CAST: variants seen among roughly 807,000 people sequenced by gnomAD.
CAST encodes the protein calpastatin.
A neutral mutation model predicts 119.6 loss-of-function variants in CAST; 76 were observed. That is an observed-to-expected ratio of 0.64 (90% CI 0.53 to 0.77). CAST has a LOEUF of 0.77. Ranked by LOEUF, CAST falls within the 30% of genes least tolerant of loss-of-function variation. The pLI, the probability that CAST is intolerant of heterozygous loss-of-function variation, is 0.00. For missense variants in CAST, 953 were observed against 946.5 expected (o/e 1.01, Z -0.09); for synonymous variants, 319 against 331.6 (o/e 0.96, Z 0.41).
intron 3 of CAST, among the ~76,000 whole-genome samples, chr5:96,699,091 T>C (rs552291563): frequency 2.0e-5 from 3 of 152,340 alleles, no homozygotes; most frequent in South Asian, 4.1e-4. Flanking sequence ...GTGTAAAATA[T>C]TTAGTTCTTA....
chr5:96,434,785 A>T, the CAST span, among the ~76,000 whole-genome samples: 2 of 152,206 alleles, frequency 1.3e-5, no homozygotes, highest in Admixed American at 6.5e-5. Context: ...TTGGTGGAGG[A>T]TCAGGCTCTG....
the CAST span, among the ~76,000 whole-genome samples, chr5:96,115,930 T>A: frequency 6.6e-6 from 1 of 152,038 alleles, no homozygotes; most frequent in Non-Finnish European, 1.5e-5. Flanking sequence ...TTTCTTTTTT[T>A]TTTTTTTTAG....
chr5:96,373,982 G>C, the CAST span, among the ~76,000 whole-genome samples: 2 of 152,128 alleles, frequency 1.3e-5, no homozygotes, highest in African/African-American at 4.8e-5. Context: ...GCTGAAAGAC[G>C]TGATGTTTTG....
intron 1 of CAST, among the ~76,000 whole-genome samples, chr5:96,672,109 G>T (rs58031207): frequency 6.6e-6 from 1 of 152,124 alleles, no homozygotes; most frequent in Non-Finnish European, 1.5e-5. Context: ...TTGGGAAAAT[G>T]TTCTCAAATT....
the CAST span, among the ~76,000 whole-genome samples, chr5:96,021,585 A>G: frequency 6.6e-6 from 1 of 152,010 alleles, no homozygotes; most frequent in Non-Finnish European, 1.5e-5. Flanking sequence ...AGCTGGGACT[A>G]CAGGCGCCCG....
chr5:96,756,446 C>G (rs1370661401), intron 22 of CAST, among the ~76,000 whole-genome samples: 1 of 152,196 alleles, frequency 6.6e-6, no homozygotes, highest in Non-Finnish European at 1.5e-5. Flanking sequence ...ATCTGACATG[C>G]CTGGGGACCA....
intron 3 of CAST, among the ~76,000 whole-genome samples, chr5:96,700,798 C>T (rs987655250): frequency 6.6e-6 from 1 of 152,042 alleles, no homozygotes; most frequent in East Asian, 1.9e-4. Flanking sequence ...ATTTGAGAAC[C>T]ACACTGGCAG....
the CAST span, among the ~76,000 whole-genome samples, chr5:96,329,145 G>A: frequency 2.0e-5 from 3 of 152,208 alleles, no homozygotes; most frequent in South Asian, 6.2e-4. Flanking sequence ...ATTGATAACT[G>A]AGGGTCCAGT....
chr5:96,674,839 G>GA (rs1750507736), intron 1 of CAST, among the ~76,000 whole-genome samples: 1 of 152,172 alleles, frequency 6.6e-6, no homozygotes, highest in African/African-American at 2.4e-5. Flanking sequence ...AAGAAATGAT[G>GA]AATGTTTGAG....
chr5:96,337,796 A>G, the CAST span, among the ~76,000 whole-genome samples: 2 of 152,170 alleles, frequency 1.3e-5, no homozygotes, highest in Admixed American at 6.5e-5. Flanking sequence ...TTGATTTCTG[A>G]CATCAAATCA....
At chr5:96,190,688 G>A in the CAST span, among the ~76,000 whole-genome samples, 6 of 152,230 alleles carry the variant, frequency 3.9e-5, no homozygotes, top group Admixed American at 3.9e-4. Flanking sequence ...ATTTTTGGCA[G>A]TGTAATCCTT....
the CAST span, among the ~76,000 whole-genome samples, chr5:96,512,325 C>G: frequency 6.6e-6 from 1 of 152,188 alleles, no homozygotes; most frequent in Non-Finnish European, 1.5e-5. Flanking sequence ...GATTGTGATT[C>G]TGTAGGTCTA....
At chr5:96,755,783 G>A (rs1162725892) in intron 22 of CAST, among the ~76,000 whole-genome samples, 1 of 152,208 alleles carries the variant, frequency 6.6e-6, no homozygotes, top group Non-Finnish European at 1.5e-5. Context: ...TGCTTCCTGA[G>A]TTTTACAATT....
At chr5:96,365,408 A>G in the CAST span, among the ~76,000 whole-genome samples, 3 of 152,144 alleles carry the variant, frequency 2.0e-5, no homozygotes, top group African/African-American at 7.2e-5. Flanking sequence ...TGATCTGTCT[A>G]ATGTTGACAG....
the CAST span, among the ~76,000 whole-genome samples, chr5:96,036,577 G>C: frequency 3.3e-5 from 5 of 152,090 alleles, no homozygotes; most frequent in African/African-American, 9.7e-5. Flanking sequence ...GGCCTTGCTT[G>C]GTGAATATTT....
the CAST span, chr5:95,986,170 C>A: frequency 6.6e-6 from 1 of 152,352 alleles, no homozygotes; most frequent in Middle Eastern, 3.4e-3. Flanking sequence ...TTGCTACCAT[C>A]ATACTTGAGA....
At chr5:96,363,815 A>G in the CAST span, among the ~76,000 whole-genome samples, 1 of 152,244 alleles carries the variant, frequency 6.6e-6, no homozygotes, top group Middle Eastern at 3.4e-3. Flanking sequence ...TTCCTAATTG[A>G]ATACCCTTTA....
chr5:96,556,916 C>T (rs1488930972), intron 1 of CAST, among the ~76,000 whole-genome samples: 1 of 151,998 alleles, frequency 6.6e-6, no homozygotes, highest in Non-Finnish European at 1.5e-5. Flanking sequence ...GTCAGATTCA[C>T]CAAAGTTGAA....
chr5:96,593,874 A>C (rs1485010914), intron 1 of CAST, among the ~76,000 whole-genome samples: 1 of 152,224 alleles, frequency 6.6e-6, no homozygotes, highest in Non-Finnish European at 1.5e-5. Context: ...CAGAAGTGTG[A>C]GAAATAGATT....
Sources: allele counts gnomAD v4.1 joint callset (sites outside exome capture counted in the v4.1 genomes callset), GRCh38; gene constraint gnomAD v4.1.1; transcripts MANE v1.5; gene names NCBI Gene and HGNC (gene_info 2026-07-23, HGNC 2026-07-21).